The following CCDC172 variants were observed in gnomAD, a reference collection of about 807,000 sequenced individuals.
CCDC172 encodes coiled-coil domain-containing protein 172.
A neutral mutation model predicts 38.0 loss-of-function variants in CCDC172; 30 were observed. The observed-to-expected ratio is 0.79, with a 90% confidence interval of 0.59 to 1.07. CCDC172 has a LOEUF of 1.07. Among genes scored for constraint, CCDC172 ranks in the 50% least tolerant of loss-of-function variants. The pLI is 0.00. For missense variants in CCDC172, 297 were observed against 290.1 expected (o/e 1.02, Z -0.17); for synonymous variants, 78 against 88.3 (o/e 0.88, Z 0.66).
chr10:116,378,398 C>T (rs1295611895), intron 7 of CCDC172, 25 bp from the exon 8 acceptor site: 3 of 1,564,542 alleles, frequency 1.9e-6, no homozygotes, highest in Non-Finnish European at 2.6e-6. Context: ...ATTAAACTAA[C>T]AGGTGAAATT....
chr10:116,355,378 C>T (rs969932768), intron 5 of CCDC172, among the ~76,000 whole-genome samples: 1 of 152,132 alleles, frequency 6.6e-6, no homozygotes, highest in African/African-American at 2.4e-5. Flanking sequence ...ATAGGCTATA[C>T]AGTATAGCCT....
intron 5 of CCDC172, among the ~76,000 whole-genome samples, chr10:116,347,837 C>A (rs1334801883): frequency 2.6e-5 from 4 of 152,132 alleles, no homozygotes; most frequent in Non-Finnish European, 5.9e-5. Flanking sequence ...GCATCCTCCA[C>A]CATTCTTCCC....
At chr10:116,346,291 C>CAAAAAAAAAAAA (rs562182925) in intron 5 of CCDC172, among the ~76,000 whole-genome samples, 1 of 80,010 alleles carries the variant, frequency 1.2e-5, no homozygotes. Flanking sequence ...GACTTCGTCT[C>CAAAAAAAAAAAA]AAAAAAAAAA....
At position 116,342,179 on chromosome 10, in the gene CCDC172, C is replaced by T. The variant is rs1201867644; in HGVS notation, c.426C>T (p.Asn142=). The change falls in exon 5 of 9, where the codon AAC becomes AAT. Residue 142 remains asparagine, a synonymous_variant. Transcript: ENST00000333254. ...NVKIEISDLE[N]QANMLKSEMK... is the part of the protein sequence containing the mutation. ...AGATTGAAATATCTGACTTAGAAAA[C>T]CAAGCAAACATGTTGAAAAGTGGTA... is the stretch of plus-strand genomic sequence containing the variant. The T allele has an allele frequency of 5.2e-6, 8 of 1,532,046 alleles. No individual in the cohort carries two copies. Among genetic ancestry groups the T allele is most frequent in the Non-Finnish European group, 7.0e-6 (8 of 1,150,634 alleles). 94.9% of individuals were successfully genotyped at this position (1,532,046 alleles called of 1,614,324 possible). A position where few individuals can be genotyped will look rare whatever the true frequency, so the allele number is the denominator to read the frequency against.
chr10:116,363,432 A>G (rs1176421046), intron 7 of CCDC172, among the ~76,000 whole-genome samples: 1 of 152,224 alleles, frequency 6.6e-6, no homozygotes, highest in Admixed American at 6.5e-5. Context: ...TAAATTATAT[A>G]TGAAATTGGA....
intron 7 of CCDC172, among the ~76,000 whole-genome samples, chr10:116,367,771 T>C (rs1439647001): frequency 6.6e-6 from 1 of 152,162 alleles, no homozygotes; most frequent in African/African-American, 2.4e-5. Flanking sequence ...ATAGTGTTCA[T>C]TATAGCTACT....
chr10:116,349,093 G>A (rs1453162127), intron 5 of CCDC172, among the ~76,000 whole-genome samples: 2 of 152,034 alleles, frequency 1.3e-5, no homozygotes, highest in Non-Finnish European at 2.9e-5. Flanking sequence ...TGCATGTGAG[G>A]GATGTAGATT....
At chr10:116,357,285 T>C (rs992809087) in intron 5 of CCDC172, 95 bp from the exon 6 acceptor site, 96 of 698,694 alleles carry the variant, frequency 1.4e-4, no homozygotes, top group Middle Eastern at 4.0e-4. Flanking sequence ...TTCTTTCATC[T>C]GTGTTTTATA....
chr10:116,356,790 T>G (rs1015920976), intron 5 of CCDC172, among the ~76,000 whole-genome samples: 7 of 152,190 alleles, frequency 4.6e-5, no homozygotes, highest in Non-Finnish European at 1.5e-5. Context: ...TTAAATGTGT[T>G]TTAATTATAA....
At chr10:116,335,275 C>T (rs765673967) in intron 3 of CCDC172, among the ~76,000 whole-genome samples, 1 of 151,832 alleles carries the variant, frequency 6.6e-6, no homozygotes, top group African/African-American at 2.4e-5. Context: ...CCCCATTGAT[C>T]GGAAACACTG....
At chr10:116,373,045 G>A (rs948177645) in intron 7 of CCDC172, among the ~76,000 whole-genome samples, 3 of 152,046 alleles carry the variant, frequency 2.0e-5, no homozygotes, top group African/African-American at 7.2e-5. Flanking sequence ...TCAGAAAGAA[G>A]GACTATACCA....
intron 3 of CCDC172, among the ~76,000 whole-genome samples, chr10:116,333,910 T>C (rs1844698094): frequency 6.6e-6 from 1 of 152,186 alleles, no homozygotes; most frequent in Non-Finnish European, 1.5e-5. Flanking sequence ...GCTGTACCTG[T>C]GATCTGATGC....
chr10:116,367,540 CT>C (rs1403245407), intron 7 of CCDC172, among the ~76,000 whole-genome samples: 1 of 151,894 alleles, frequency 6.6e-6, no homozygotes, highest in African/African-American at 2.4e-5. Context: ...GTACAAAAAA[CT>C]TATCTGGGCG....
intron 7 of CCDC172, among the ~76,000 whole-genome samples, chr10:116,363,651 T>C (rs530405927): frequency 6.6e-6 from 1 of 152,112 alleles, no homozygotes; most frequent in Non-Finnish European, 1.5e-5. Flanking sequence ...AGATTTAAAA[T>C]TTCGGCTGGG....
rs536898995 is a variant in CCDC172 at position 116,357,781 on chromosome 10, G to A, written c.551-55G>A. On this transcript the variant is annotated intron_variant, in intron 6 of 8. Coordinates refer to ENST00000333254, the MANE Select transcript of CCDC172 (RefSeq NM_198515.3). ...AGTACTGTTCTTATGAGTGAATAAA[G>A]ATAATCTTTATGTTTAATTTTCAAA... 7 of 965,230 alleles carry A rather than the reference G, an allele frequency of 7.3e-6. No individual in the cohort carries two copies. The East Asian group carries it at 1.8e-4, about 25-fold the overall frequency. 59.8% of individuals were successfully genotyped at this position (965,230 alleles called of 1,614,324 possible). A position where few individuals can be genotyped will look rare whatever the true frequency, so the allele number is the denominator to read the frequency against.
At chr10:116,361,477 T>C (rs1422007162) in intron 7 of CCDC172, among the ~76,000 whole-genome samples, 1 of 152,204 alleles carries the variant, frequency 6.6e-6, no homozygotes, top group African/African-American at 2.4e-5. Context: ...TTTAATGCAA[T>C]AGGAAGATTG....
chr10:116,344,732 TTTA>T (rs1262924603), intron 5 of CCDC172, among the ~76,000 whole-genome samples: 2 of 152,128 alleles, frequency 1.3e-5, no homozygotes, highest in African/African-American at 4.8e-5. Flanking sequence ...TTATAAACCT[TTTA>T]TTATTTTTGA....
At chr10:116,345,612 A>C (rs1025041171) in intron 5 of CCDC172, among the ~76,000 whole-genome samples, 1 of 152,224 alleles carries the variant, frequency 6.6e-6, no homozygotes, top group Non-Finnish European at 1.5e-5. Flanking sequence ...AACAACTTAA[A>C]AAATAAGAAA....
In CCDC172 at chr10:116,370,852, T is replaced by C. The variant is rs549877225; in HGVS notation, c.654-7571T>C. The stretch of plus-strand genomic sequence containing the variant: ...TGATGTCCTATGAAAGAAAAAGTCA[T>C]GTTATTATTGATGAAAATGAAGGCT... On this transcript the variant is annotated intron_variant, in intron 7 of 8. Coordinates refer to ENST00000333254, the MANE Select transcript of CCDC172 (RefSeq NM_198515.3). 5.9e-5 allele frequency among the ~76,000 whole-genome samples: 9 copies of C among 151,980 alleles called. No homozygotes were observed. The South Asian group carries it at 1.9e-3, about 31-fold the overall frequency.
Sources: gnomAD v4.1 joint callset for allele counts (sites outside exome capture counted in the v4.1 genomes callset) on GRCh38, gnomAD v4.1.1 for gene constraint, MANE v1.5 for transcripts, NCBI Gene and HGNC (gene_info 2026-07-23, HGNC 2026-07-21) for gene names.